The following LCMT1 variants were observed in gnomAD, a reference collection of about 807,000 sequenced individuals.
LCMT1 encodes the protein [Phosphatase 2A protein]-leucine-carboxy methyltransferase 1.
In LCMT1, 32 loss-of-function variants were observed where a neutral mutation model predicts 47.7. The observed-to-expected ratio is 0.67, with a 90% confidence interval of 0.51 to 0.90. The LOEUF (loss-of-function observed/expected upper bound fraction) is 0.90, where lower values mean the gene tolerates loss of function less well. Among genes scored for constraint, LCMT1 ranks in the 40% least tolerant of loss-of-function variants. The probability of loss-of-function intolerance (pLI) is 0.00; values close to 1 mark genes in which losing one functional copy is unlikely to be tolerated. For synonymous variants in LCMT1, 152 were observed against 149.7 expected, an observed-to-expected ratio of 1.02 and a Z score of -0.11; for missense variants, 375 against 415.2, an observed-to-expected ratio of 0.90 and a Z score of 0.84.
chr16:25,113,218 G>A (rs942170871), intron 1 of LCMT1, among the ~76,000 whole-genome samples: 8 of 151,638 alleles, frequency 5.3e-5, no homozygotes, highest in Admixed American at 1.3e-4. Context: ...AGAGGAGTGT[G>A]AACTGTTAGA....
chr16:25,133,760 A>G (rs1285633811), intron 3 of LCMT1, among the ~76,000 whole-genome samples: 3 of 149,284 alleles, frequency 2.0e-5, no homozygotes, highest in African/African-American at 4.9e-5. Flanking sequence ...TTGGCCGGGC[A>G]TGGTGGCTCA....
intron 1 of LCMT1, among the ~76,000 whole-genome samples, chr16:25,118,221 G>C (rs1346014412): frequency 2.6e-5 from 4 of 151,986 alleles, no homozygotes; most frequent in Non-Finnish European, 5.9e-5. Flanking sequence ...AGCCTGCTCT[G>C]TGTACTTCCC....
intron 2 of LCMT1, among the ~76,000 whole-genome samples, chr16:25,129,381 A>G (rs1417718087): frequency 1.3e-5 from 2 of 150,068 alleles, no homozygotes. Flanking sequence ...AATGAATTCA[A>G]AAAAAAGTAT....
chr16:25,152,392 G>T (rs911339695), intron 5 of LCMT1, among the ~76,000 whole-genome samples: 15 of 152,130 alleles, frequency 9.9e-5, no homozygotes, highest in Non-Finnish European at 2.1e-4. Context: ...GGGTCCCCTT[G>T]GTTCAGGTGG....
Position 25,165,586 on chromosome 16 carries a change from C to T in LCMT1, c.690+868C>T, listed in dbSNP as rs550647120. On this transcript the variant is annotated intron_variant, in intron 7 of 10. Transcript: ENST00000399069. ...AGGCTGGAGTGCAACAGCACACTCTCGGCTCACTGCAACCTCCGCCTCCTG... is the reference window on the plus strand; with the variant it reads ...AGGCTGGAGTGCAACAGCACACTCTTGGCTCACTGCAACCTCCGCCTCCTG... Among the ~76,000 whole-genome samples the T allele has an allele frequency of 9.9e-5, 15 of 151,856 alleles. No homozygotes were observed. The South Asian group carries it at 2.1e-3, about 21-fold the overall frequency.
chr16:25,145,085 A>G (rs1217914213), intron 4 of LCMT1: 1 of 152,228 alleles, frequency 6.6e-6, no homozygotes, highest in African/African-American at 2.4e-5. Flanking sequence ...ACCATTCCCA[A>G]GAAACCCTGG....
chr16:25,117,581 C>T (rs755855775), intron 1 of LCMT1, among the ~76,000 whole-genome samples: 20 of 152,088 alleles, frequency 1.3e-4, no homozygotes, highest in Admixed American at 2.6e-4. Flanking sequence ...AGGCCTGGTG[C>T]GGTGGCTCAC....
intron 5 of LCMT1, among the ~76,000 whole-genome samples, chr16:25,156,199 ACTCTT>A (rs1427012406): frequency 6.6e-6 from 1 of 151,650 alleles, no homozygotes; most frequent in Non-Finnish European, 1.5e-5. Context: ...CTTATGTCAC[ACTCTT>A]CTCTTTCAGT....
intron 1 of LCMT1, 65 bp from the exon 2 acceptor site, chr16:25,128,410 G>C (rs75698891): frequency 0.043 from 50,647 of 1,187,874 alleles, 1,434 homozygotes; most frequent in East Asian, 0.14. Flanking sequence ...TGGGAACTTG[G>C]CAGTGGACCT....
chr16:25,112,848 T>A (rs1959665261), intron 1 of LCMT1, among the ~76,000 whole-genome samples: 1 of 152,014 alleles, frequency 6.6e-6, no homozygotes, highest in African/African-American at 2.4e-5. Flanking sequence ...CAGTGATGTT[T>A]AAGGTGAGAA....
At chr16:25,123,610 T>C (rs951390872) in intron 1 of LCMT1, among the ~76,000 whole-genome samples, 1 of 135,436 alleles carries the variant, frequency 7.4e-6, no homozygotes, top group Admixed American at 7.2e-5. Context: ...CTTTTTTTTT[T>C]TTTTTTTTTT....
chr16:25,177,442 G>A (rs139309031), intron 10 of LCMT1, among the ~76,000 whole-genome samples: 169 of 152,178 alleles, frequency 1.1e-3, no homozygotes, highest in African/African-American at 4.0e-3. Context: ...TCAATTTAAT[G>A]TTATAACATT....
chr16:25,132,213 C>T lies in LCMT1; in HGVS notation c.206-189C>T, dbSNP rs1240313002. ...GAAATAGATTATACTTACCTTGGTT[C>T]AGATGCCTTTAACCAAAAAAAAAAA... is the stretch of plus-strand genomic sequence containing the variant. On this transcript the variant is annotated intron_variant, in intron 2 of 10. Coordinates refer to ENST00000399069, the MANE Select transcript of LCMT1 (RefSeq NM_016309.3). The T allele has an allele frequency of 6.7e-6, 4 of 596,818 alleles. No individual in the cohort carries two copies. In the East Asian group the frequency reaches 8.2e-5, roughly 12 times the overall value. The allele number at this position is 596,818 out of a possible 1,614,324, so 37.0% of individuals were successfully genotyped here. A position where few individuals can be genotyped will look rare whatever the true frequency, so the allele number is the denominator to read the frequency against.
chr16:25,132,316 T>G, intron 2 of LCMT1, 86 bp from the exon 3 acceptor site: 1 of 1,507,142 alleles, frequency 6.6e-7, no homozygotes, highest in Non-Finnish European at 9.1e-7. Context: ...CTCTCTGTTT[T>G]GCTCTTCTCC....
intron 3 of LCMT1, among the ~76,000 whole-genome samples, chr16:25,138,816 T>C (rs2141661343): frequency 6.6e-6 from 1 of 152,354 alleles, no homozygotes. Context: ...CACAAGCTCT[T>C]TGGATCCCCG....
rs1961885859 is a variant in LCMT1 at position 25,174,943 on chromosome 16, A to G, written c.891A>G (p.Glu297=). ...ATTTTAATTCTTTCCACAGGATAGA[A>G]TCACTTGAATTCCTGGATGAAATGG... ...RLPRAEVSRI[E]SLEFLDEMEL... is the part of the protein sequence containing the mutation. The change falls in exon 10 of 11, where the codon GAA becomes GAG. Residue 297 remains glutamate, a synonymous_variant. Transcript: ENST00000399069. The G allele has an allele frequency of 6.3e-7, 1 of 1,585,112 alleles. No individual in the cohort carries two copies. The highest frequency in any genetic ancestry group is 1.3e-5 in the African/African-American group (1 of 74,258).
intron 5 of LCMT1, among the ~76,000 whole-genome samples, chr16:25,157,150 TTG>T (rs36066156): frequency 2.9e-4 from 44 of 149,742 alleles, no homozygotes; most frequent in East Asian, 7.9e-4. Flanking sequence ...ACACCAGCAC[TTG>T]TGTGTGTGTG....
chr16:25,159,081 A>C (rs1231112986), intron 5 of LCMT1: 1 of 152,192 alleles, frequency 6.6e-6, no homozygotes, highest in Non-Finnish European at 1.5e-5. Flanking sequence ...TGTGAGTAAG[A>C]GAGATCTCCC....
At chr16:25,144,438 G>C (rs1265379071) in intron 4 of LCMT1, 1 of 152,268 alleles carries the variant, frequency 6.6e-6, no homozygotes, top group Non-Finnish European at 1.5e-5. Context: ...ATATCATTCC[G>C]TCTTTGCATT....
Sources: allele counts gnomAD v4.1 joint callset (sites outside exome capture counted in the v4.1 genomes callset), GRCh38; gene constraint gnomAD v4.1.1; transcripts MANE v1.5; gene names NCBI Gene and HGNC (gene_info 2026-07-23, HGNC 2026-07-21).